Variants in MAPK8IP3 observed in about 807,000 individuals in gnomAD.
The protein encoded by MAPK8IP3 is C-Jun-amino-terminal kinase-interacting protein 3.
MAPK8IP3 carries 49 observed loss-of-function variants against 157.8 expected under a neutral mutation model. The ratio of observed to expected loss-of-function variants is 0.31; its 90% confidence interval spans 0.25 to 0.39. The LOEUF (loss-of-function observed/expected upper bound fraction) is 0.39. Ranked by LOEUF, MAPK8IP3 falls within the 10% of genes least tolerant of loss-of-function variation. MAPK8IP3 has a pLI of 1.00. For missense variants in MAPK8IP3, 1,478 were observed against 1,889.4 expected (o/e 0.78, Z 4.04); for synonymous variants, 897 against 777.7 (o/e 1.15, Z -2.55).
At position 1,766,417 on chromosome 16, in the gene MAPK8IP3, C is replaced by T. The variant is rs1276634880; in HGVS notation, c.2819+8C>T. On this transcript the variant is annotated splice_region_variant and intron_variant, in intron 22 of 31. Coordinates refer to ENST00000610761, the MANE Select transcript of MAPK8IP3 (RefSeq NM_001318852.2). ...TGGCCCCCAGCCTGGCAGGTGAGCT[C>T]TTGGGCTGGGGCAGGAGCAGAGGGA... The T allele has an allele frequency of 6.2e-7, 1 of 1,608,802 alleles. No individual in the cohort carries two copies. The highest frequency in any genetic ancestry group is 8.5e-7 in the Non-Finnish European group (1 of 1,177,610).
chr16:1,748,409 T>C, intron 7 of MAPK8IP3, 63 bp downstream of exon 7: 1 of 1,412,860 alleles, frequency 7.1e-7, no homozygotes, highest in Non-Finnish European at 9.9e-7. Context: ...TCGGTGTCTT[T>C]GGTGAAGTCT....
intron 4 of MAPK8IP3, among the ~76,000 whole-genome samples, chr16:1,734,571 C>T (rs1456611644): frequency 1.3e-5 from 2 of 152,250 alleles, no homozygotes; most frequent in Non-Finnish European, 2.9e-5. Context: ...CACGGCCCCC[C>T]TCCCCTGTCC....
rs531653894 is a variant in MAPK8IP3, at chr16:1,736,226, G to A, written c.602+6648G>A. On this transcript the variant is annotated intron_variant, in intron 4 of 31. Coordinates refer to ENST00000610761, the MANE Select transcript of MAPK8IP3 (RefSeq NM_001318852.2). The stretch of plus-strand genomic sequence containing the variant: ...TGTGTGACCATCCGTGTGAGCGTCC[G>A]TGTAAGCATCCGTGTGAGCGTGTGA... Among the ~76,000 whole-genome samples, 13 of 114,376 alleles carry A rather than the reference G, an allele frequency of 1.1e-4. No homozygotes were observed. The South Asian group carries it at 4.4e-3, about 38-fold the overall frequency. The allele number at this position is 114,376 out of a possible 152,430, so 75.0% of individuals were successfully genotyped here.
At chr16:1,730,418 A>G (rs1380299551) in intron 4 of MAPK8IP3, among the ~76,000 whole-genome samples, 2 of 152,068 alleles carry the variant, frequency 1.3e-5, no homozygotes, top group Non-Finnish European at 2.9e-5. Flanking sequence ...AGCTTGGCCA[A>G]TGTGGTGAAA....
At position 1,722,607 on chromosome 16, in the gene MAPK8IP3, A is replaced by T. The variant is rs556174371; in HGVS notation, c.319-1950A>T. On this transcript the variant is annotated intron_variant, in intron 1 of 31. Transcript: ENST00000610761. ...AGGCTGGGTGCAGTCGCTCAGGCCT[A>T]TAATCCCAGCGCTTTGGGAGGCTGA... Among the ~76,000 whole-genome samples, 346 of 152,168 alleles carry T rather than the reference A, an allele frequency of 2.3e-3. 1 individual carries two copies. The highest frequency in any genetic ancestry group is 8.0e-3 in the African/African-American group (332 of 41,508).
In MAPK8IP3 at chr16:1,729,153, A is replaced by T; in HGVS notation, c.455A>T (p.Glu152Val). The change falls in exon 3 of 32, where the codon GAG becomes GTG. Residue 152 changes from glutamate to valine, a missense_variant. By Grantham distance (121) the Glu-to-Val change is moderately radical (BLOSUM62 -2). This residue lies in a region of MAPK8IP3 where 315 missense variants were observed against 394.4 expected (regional missense o/e 0.80). Transcript: ENST00000610761. ...NYADQISRLE[E>V]RESEMKKEYN... is the part of the protein sequence containing the mutation. ...TGTTTTCCAGTTTCCCGGTTGGAGG[A>T]GCGGGAGTCGGAGATGAAGAAGGAG... The T allele has an allele frequency of 6.2e-7, 1 of 1,614,006 alleles. No homozygotes were observed. Among genetic ancestry groups the T allele is most frequent in the Non-Finnish European group, 8.5e-7 (1 of 1,179,976 alleles).
At chr16:1,713,108 C>G (rs1044973605) in intron 1 of MAPK8IP3, among the ~76,000 whole-genome samples, 3 of 152,226 alleles carry the variant, frequency 2.0e-5, no homozygotes, top group African/African-American at 4.8e-5. Context: ...AGGACTGTCT[C>G]TTTGGAGCAG....
At chr16:1,760,617 C>G (rs2041877304) in intron 12 of MAPK8IP3, 85 bp downstream of exon 12, 1 of 1,498,830 alleles carries the variant, frequency 6.7e-7, no homozygotes, top group Non-Finnish European at 9.0e-7. Context: ...TGCCTGCTCT[C>G]CAGCCTGAGC....
At chr16:1,748,571 GCT>G in intron 7 of MAPK8IP3, 29 bp from the exon 8 acceptor site, 1 of 1,568,854 alleles carries the variant, frequency 6.4e-7, no homozygotes, top group Non-Finnish European at 8.8e-7. Flanking sequence ...CACTGACTCT[GCT>G]CTCTCTCCCG....
intron 1 of MAPK8IP3, among the ~76,000 whole-genome samples, chr16:1,716,007 G>A (rs1039277654): frequency 3.9e-5 from 6 of 152,022 alleles, no homozygotes; most frequent in Middle Eastern, 3.2e-3. Flanking sequence ...GATTTCAGGC[G>A]GGAGCCACTG....
rs756402214 is a variant in MAPK8IP3, at chr16:1,748,617, C to T, written c.1113C>T (p.Ile371=). Residue 371 remains isoleucine, a synonymous_variant, in exon 8 of 32, where the codon ATC becomes ATT. Transcript: ENST00000610761. Reference sequence around the variant, plus strand: ...ATCCCAACAGCCCAACCCAGGGCATCGTGAACAAAGCTTTCGGCATCAACA... The same window carrying T: ...ATCCCAACAGCCCAACCCAGGGCATTGTGAACAAAGCTTTCGGCATCAACA... ...DRTGSSPTQG[I]VNKAFGINTD... 5.0e-6 allele frequency: 8 copies of T among 1,614,050 alleles called. No homozygotes were observed. In the South Asian group the frequency reaches 5.5e-5, roughly 11 times the overall value.
At chr16:1,748,200 C>A in intron 6 of MAPK8IP3, 44 bp from the exon 7 acceptor site, 1 of 1,474,092 alleles carries the variant, frequency 6.8e-7, no homozygotes. Context: ...GCAGAGGCTG[C>A]CAGACCCTCT....
chr16:1,740,387 CGT>C (rs1343803377), intron 4 of MAPK8IP3, among the ~76,000 whole-genome samples: 1 of 148,918 alleles, frequency 6.7e-6, no homozygotes, highest in Non-Finnish European at 1.5e-5. Context: ...TCCGTGTAAG[CGT>C]GTGACCGTCC....
chr16:1,759,869 T>C, intron 10 of MAPK8IP3, 89 bp from the exon 11 acceptor site: 1 of 1,173,288 alleles, frequency 8.5e-7, no homozygotes, highest in Non-Finnish European at 1.3e-6. Flanking sequence ...CTACCCTCTT[T>C]GGAAGCGTTG....
chr16:1,747,002 C>A, intron 5 of MAPK8IP3, 27 bp from the exon 6 acceptor site: 1 of 1,609,232 alleles, frequency 6.2e-7, no homozygotes, highest in South Asian at 1.1e-5. Flanking sequence ...GTGACTCGCT[C>A]TCCCTCCTCC....
chr16:1,763,970 A>C (rs2042105149), intron 17 of MAPK8IP3, 145 bp from the exon 18 acceptor site: 1 of 1,061,384 alleles, frequency 9.4e-7, no homozygotes, highest in East Asian at 2.6e-5. Context: ...TCGGAGAAGG[A>C]GCCCCGCGGC....
At position 1,769,543 on chromosome 16, in the gene MAPK8IP3, G is replaced by A. The variant is rs1237257201; in HGVS notation, c.*719G>A. On this transcript the variant is annotated 3_prime_UTR_variant, in exon 32 of 32. Transcript: ENST00000610761. Reference sequence around the variant, plus strand: ...TCTTGCCAGCCCCGTTCTGACCCGTGTCCCCCCAGGCTCTGCCTGGGCAGA... The same window carrying A: ...TCTTGCCAGCCCCGTTCTGACCCGTATCCCCCCAGGCTCTGCCTGGGCAGA... 3 of 152,504 alleles carry A rather than the reference G, an allele frequency of 2.0e-5. No individual in the cohort carries two copies. The highest frequency in any genetic ancestry group is 4.4e-5 in the Non-Finnish European group (3 of 68,158). 9.4% of individuals were successfully genotyped at this position (152,504 alleles called of 1,614,324 possible). A position where few individuals can be genotyped will look rare whatever the true frequency, so the allele number is the denominator to read the frequency against.
At chr16:1,732,297 C>A (rs964792552) in intron 4 of MAPK8IP3, among the ~76,000 whole-genome samples, 3 of 152,204 alleles carry the variant, frequency 2.0e-5, no homozygotes, top group African/African-American at 7.2e-5. Context: ...ATGGCAAAAG[C>A]CTCCCTCACA....
chr16:1,721,223 C>G (rs1049713548), intron 1 of MAPK8IP3, among the ~76,000 whole-genome samples: 1 of 151,114 alleles, frequency 6.6e-6, no homozygotes, highest in African/African-American at 2.4e-5. Context: ...ATCCCAACTA[C>G]TCGGGAGGCT....
Sources: gnomAD v4.1 joint callset for allele counts (sites outside exome capture counted in the v4.1 genomes callset) on GRCh38, gnomAD v4.1.1 for gene constraint, gnomAD v4.1.1 regional missense constraint, MANE v1.5 for transcripts, NCBI Gene and HGNC (gene_info 2026-07-23, HGNC 2026-07-21) for gene names.